Variants in IGSF3 observed in about 807,000 individuals in gnomAD.
IGSF3 encodes the protein glu-Trp-Ile EWI motif-containing protein 3.
Under a neutral mutation model 114.4 loss-of-function variants are expected in IGSF3, and 23 were observed. The ratio of observed to expected loss-of-function variants is 0.20; its 90% CI spans 0.14 to 0.28. IGSF3 has a LOEUF of 0.28. Ranked by LOEUF, IGSF3 falls within the 10% of genes least tolerant of loss-of-function variation. The pLI is 1.00. For synonymous variants in IGSF3, 571 were observed against 645.2 expected (o/e 0.88, Z 1.74); for missense variants, 1,172 against 1,591.5 (o/e 0.74, Z 4.48).
rs930142854 is a variant in IGSF3, at chr1:116,633,706, G to A, written c.44-17249C>T. Among the ~76,000 whole-genome samples, 47 of 151,988 alleles carry A rather than the reference G, an allele frequency of 3.1e-4. No homozygotes were observed. The highest frequency in any genetic ancestry group is 1.1e-3 in the African/African-American group (45 of 41,368). The stretch of plus-strand genomic sequence containing the variant: ...TGTCTACTAAACTCTCTGTGCCTTA[G>A]AACCAAAAATAAAAAATAAAAATTC... On this transcript the variant is annotated intron_variant, in intron 2 of 10. Coordinates refer to ENST00000369486, the MANE Select transcript of IGSF3 (RefSeq NM_001007237.3). This position sits in a 1 kb window ranked among gnomAD's most constrained non-coding sequence, Gnocchi z 4.3.
Position 116,657,938 on chromosome 1 carries a change from C to G in IGSF3, c.43+8346G>C, listed in dbSNP as rs1403217958. On this transcript the variant is annotated intron_variant, in intron 2 of 10. Transcript: ENST00000369486. The surrounding 1 kb of genome is among the most constrained non-coding windows in gnomAD (Gnocchi z 4.2). ...TTTTCTGTTTTAATAAAGAGAAGGC[C>G]TGGACACCTGAAAGTTGACGGGAAG... Among the ~76,000 whole-genome samples, 2 of 151,732 alleles carry G rather than the reference C, an allele frequency of 1.3e-5. No homozygotes were observed. The highest frequency in any genetic ancestry group is 2.9e-5 in the Non-Finnish European group (2 of 68,004).
chr1:116,625,012 CTCTAAA>C lies in IGSF3; in HGVS notation c.44-8561_44-8556del, dbSNP rs1661532345. On this transcript the variant is annotated intron_variant, in intron 2 of 10. Coordinates refer to ENST00000369486, the MANE Select transcript of IGSF3 (RefSeq NM_001007237.3). The surrounding 1 kb of genome is among the most constrained non-coding windows in gnomAD (Gnocchi z 4.7). Reference sequence around the variant, plus strand: ...GAACTTCCAGCCATGCCTGCTGTGCCTCTAAATTCTCGACCCACAGATTCTGTGAGC... The same window carrying C: ...GAACTTCCAGCCATGCCTGCTGTGCCTTCTCGACCCACAGATTCTGTGAGC... Among the ~76,000 whole-genome samples, 1 of 152,242 alleles carries C rather than the reference CTCTAAA, an allele frequency of 6.6e-6. No homozygotes were observed. Among genetic ancestry groups the C allele is most frequent in the Non-Finnish European group, 1.5e-5 (1 of 68,034 alleles).
chr1:116,612,328 C>T lies in IGSF3; in HGVS notation c.832+1437G>A, dbSNP rs184053177. Among the ~76,000 whole-genome samples the T allele has an allele frequency of 1.1e-3, 175 of 152,250 alleles. No individual in the cohort carries two copies. The highest frequency in any genetic ancestry group is 3.9e-3 in the African/African-American group (164 of 41,548). On this transcript the variant is annotated intron_variant, in intron 4 of 10. Transcript: ENST00000369486. This position sits in a 1 kb window ranked among gnomAD's most constrained non-coding sequence, Gnocchi z 4.1. ...AAGTGCTCCCTATCCCTACCAACCC[C>T]TACGGTAAAAGATTTCACATCCATT... is the stretch of plus-strand genomic sequence containing the variant.
At position 116,579,379 on chromosome 1, in the gene IGSF3, T is replaced by G; in HGVS notation, c.3334+13A>C. ...CAACAGTGACATCCTCCCTCTGTAC[T>G]TGGGAAACTCACTTGTATCTAGAAC... On this transcript the variant is annotated intron_variant, in intron 10 of 10. Transcript: ENST00000369486. This position sits in a 1 kb window ranked among gnomAD's most constrained non-coding sequence, Gnocchi z 6.4. 1 of 1,540,378 alleles carries G rather than the reference T, an allele frequency of 6.5e-7. No individual in the cohort carries two copies. The highest frequency in any genetic ancestry group is 8.7e-7 in the Non-Finnish European group (1 of 1,143,260).
In IGSF3 at chr1:116,582,219, C is replaced by T. The variant is rs1444745538; in HGVS notation, c.2849-2342G>A. On this transcript the variant is annotated intron_variant, in intron 9 of 10. Coordinates refer to ENST00000369486, the MANE Select transcript of IGSF3 (RefSeq NM_001007237.3). This position sits in a 1 kb window ranked among gnomAD's most constrained non-coding sequence, Gnocchi z 4.7. The stretch of plus-strand genomic sequence containing the variant: ...TACCAATTTAGTTCCCTGAATCTGC[C>T]CCCTTCTAGAATATGCCAACCCTCC... Among the ~76,000 whole-genome samples, 1 of 152,162 alleles carries T rather than the reference C, an allele frequency of 6.6e-6. No individual in the cohort carries two copies. Among genetic ancestry groups the T allele is most frequent in the Non-Finnish European group, 1.5e-5 (1 of 68,042 alleles).
In IGSF3 at chr1:116,579,556, C is replaced by T; in HGVS notation, c.3170G>A (p.Arg1057Lys). 6.2e-7 allele frequency: 1 copy of T among 1,614,194 alleles called. No individual in the cohort carries two copies. Among genetic ancestry groups the T allele is most frequent in the Non-Finnish European group, 8.5e-7 (1 of 1,180,044 alleles). The change falls in exon 10 of 11, where the codon AGG (arginine) becomes AAG (lysine). Residue 1057 changes from arginine (R) to lysine (K), a missense_variant. Around this residue, in one of 3 missense-constraint regions of IGSF3, gnomAD observed 423 missense variants for 509.8 expected, o/e 0.83. Transcript: ENST00000369486. The surrounding 1 kb of genome is among the most constrained non-coding windows in gnomAD (Gnocchi z 6.4). ...SPWEGRLRFQ[R>K]LSPVLYRLTV... ...GAGCCGGTAGAGCACCGGGGAGAGC[C>T]TCTGGAAGCGAAGCCTGCCCTCCCA...
intron 2 of IGSF3, among the ~76,000 whole-genome samples, chr1:116,640,037 CAAAA>C (rs34003833): frequency 5.1e-4 from 33 of 65,286 alleles, no homozygotes; most frequent in African/African-American, 1.4e-3. Context: ...GACTCTATCT[CAAAA>C]AAAAAAAAAA....
intron 2 of IGSF3, among the ~76,000 whole-genome samples, chr1:116,653,626 A>G (rs1648727262): frequency 6.6e-6 from 1 of 152,200 alleles, no homozygotes; most frequent in African/African-American, 2.4e-5. Flanking sequence ...GGCATTTTCC[A>G]GTACTCCTTC....
At chr1:116,608,894 T>A (rs1433099164) in intron 4 of IGSF3, among the ~76,000 whole-genome samples, 1 of 152,156 alleles carries the variant, frequency 6.6e-6, no homozygotes, top group Non-Finnish European at 1.5e-5. Flanking sequence ...AAATAAGATG[T>A]AGGTATGACA....
Position 116,577,702 on chromosome 1 carries a change from T to C in IGSF3, c.3335-140A>G. On this transcript the variant is annotated intron_variant, in intron 10 of 10. Transcript: ENST00000369486. The surrounding 1 kb of genome is among the most constrained non-coding windows in gnomAD (Gnocchi z 5.7). The stretch of plus-strand genomic sequence containing the variant: ...CCACCTTGTCTTTCCCCTGCTACCA[T>C]TAATGGTGGAAGATGACCCTTATAT... 1 of 716,174 alleles carries C rather than the reference T, an allele frequency of 1.4e-6. No individual in the cohort carries two copies. Among genetic ancestry groups the C allele is most frequent in the Non-Finnish European group, 2.3e-6 (1 of 427,954 alleles). The allele number at this position is 716,174 out of a possible 1,614,324, so 44.4% of individuals were successfully genotyped here.
chr1:116,593,431 T>C lies in IGSF3; in HGVS notation c.2030-4327A>G, dbSNP rs1164819749. Among the ~76,000 whole-genome samples, 2 of 152,138 alleles carry C rather than the reference T, an allele frequency of 1.3e-5. No homozygotes were observed. The highest frequency in any genetic ancestry group is 2.9e-5 in the Non-Finnish European group (2 of 68,024). On this transcript the variant is annotated intron_variant, in intron 7 of 10. Transcript: ENST00000369486. This position sits in a 1 kb window ranked among gnomAD's most constrained non-coding sequence, Gnocchi z 4.5. ...CTTTATTAAAGACAACAGACAGTAA[T>C]GCTAGAGATAGAGGCGGCCAGTGGC...
rs1661127567 is a variant in IGSF3 at position 116,614,085 on chromosome 1, G to A, written c.512C>T (p.Ser171Leu). The part of the protein sequence containing the change: ...DPLELTCEVA[S>L]ETIQHSHLSV... ...CAGGTGGCTGTGCTGAATGGTCTCT[G>A]AGGCCACCTCACAAGTGAGCTCCAG... The change falls in exon 4 of 11, where the codon TCA (serine) becomes TTA (leucine). Residue 171 changes from serine to leucine, a missense_variant. By Grantham distance (145) the Ser-to-Leu change is moderately radical. Coordinates refer to ENST00000369486, the MANE Select transcript of IGSF3 (RefSeq NM_001007237.3). This position sits in a 1 kb window ranked among gnomAD's most constrained non-coding sequence, Gnocchi z 4.5. 1 of 1,614,028 alleles carries A rather than the reference G, an allele frequency of 6.2e-7. No homozygotes were observed. Among genetic ancestry groups the A allele is most frequent in the African/African-American group, 1.3e-5 (1 of 74,952 alleles).
Position 116,664,335 on chromosome 1 carries a change from G to A in IGSF3, c.43+1949C>T, listed in dbSNP as rs554023493. Among the ~76,000 whole-genome samples, 11 of 152,322 alleles carry A rather than the reference G, an allele frequency of 7.2e-5. No homozygotes were observed. In the South Asian group the frequency reaches 1.7e-3, roughly 23 times the overall value. ...CAGCACCTGCCAGGTGCCAGGGCCC[G>A]AGCTCCACTCCACAGAGTGGCCCAG... On this transcript the variant is annotated intron_variant, in intron 2 of 10. Transcript: ENST00000369486. The surrounding 1 kb of genome is among the most constrained non-coding windows in gnomAD (Gnocchi z 4.6).
At chr1:116,619,519 C>T (rs990987817) in intron 2 of IGSF3, among the ~76,000 whole-genome samples, 2 of 152,220 alleles carry the variant, frequency 1.3e-5, no homozygotes, top group African/African-American at 2.4e-5. Flanking sequence ...TCCCTCTGCC[C>T]CACAAAGGGC....
At position 116,661,989 on chromosome 1, in the gene IGSF3, C is replaced by T. The variant is rs1649137245; in HGVS notation, c.43+4295G>A. The stretch of plus-strand genomic sequence containing the variant: ...GAGTCATCTTGGACCATGAAGTCAT[C>T]TTGGGAATAGAGAGCATGCACATGG... On this transcript the variant is annotated intron_variant, in intron 2 of 10. Coordinates refer to ENST00000369486, the MANE Select transcript of IGSF3 (RefSeq NM_001007237.3). This position sits in a 1 kb window ranked among gnomAD's most constrained non-coding sequence, Gnocchi z 4.0. Among the ~76,000 whole-genome samples, 1 of 152,064 alleles carries T rather than the reference C, an allele frequency of 6.6e-6. No individual in the cohort carries two copies. The highest frequency in any genetic ancestry group is 2.1e-4 in the South Asian group (1 of 4,830).
chr1:116,606,101 TA>T (rs1175937809), intron 5 of IGSF3, among the ~76,000 whole-genome samples: 2 of 152,266 alleles, frequency 1.3e-5, no homozygotes, highest in East Asian at 3.8e-4. Flanking sequence ...CCGACAATTT[TA>T]AACTCTCTGG....
chr1:116,651,476 A>G lies in IGSF3; in HGVS notation c.43+14808T>C, dbSNP rs1648634071. On this transcript the variant is annotated intron_variant, in intron 2 of 10. Coordinates refer to ENST00000369486, the MANE Select transcript of IGSF3 (RefSeq NM_001007237.3). This position sits in a 1 kb window ranked among gnomAD's most constrained non-coding sequence, Gnocchi z 4.4. The stretch of plus-strand genomic sequence containing the variant: ...AGTCCCACAGTCTATATCACAGATC[A>G]CCAGTTTTAGCTGTTTGAAGTTTTA... 6.6e-6 allele frequency among the ~76,000 whole-genome samples: 1 copy of G among 152,212 alleles called. No homozygotes were observed. The highest frequency in any genetic ancestry group is 1.5e-5 in the Non-Finnish European group (1 of 68,038).
Position 116,624,045 on chromosome 1 carries a change from T to TCTCGGCTGGGCAACAGAG in IGSF3, c.44-7589_44-7588insCTCTGTTGCCCAGCCGAG, listed in dbSNP as rs1553216854. Among the ~76,000 whole-genome samples the TCTCGGCTGGGCAACAGAG allele has an allele frequency of 0.051, 7,730 of 150,572 alleles. 388 individuals are homozygous for TCTCGGCTGGGCAACAGAG. Among genetic ancestry groups the TCTCGGCTGGGCAACAGAG allele is most frequent in the African/African-American group, 0.13 (5,400 of 40,600 alleles). ...GAGGTTGCAGTGAGCCGAGATCATG[T>TCTCGGCTGGGCAACAGAG]CATTGCACTGTGGGCTGGGCAACAG... On this transcript the variant is annotated intron_variant, in intron 2 of 10. Transcript: ENST00000369486. This position sits in a 1 kb window ranked among gnomAD's most constrained non-coding sequence, Gnocchi z 4.9.
At chr1:116,623,981 G>A (rs12092843) in intron 2 of IGSF3, among the ~76,000 whole-genome samples, 3,645 of 151,104 alleles carry the variant, frequency 0.024, 139 homozygotes, top group African/African-American at 0.084. Flanking sequence ...CAGCTACTCC[G>A]GAGGCTGAGG....
Sources: allele counts gnomAD v4.1 joint callset (sites outside exome capture counted in the v4.1 genomes callset), GRCh38; gene constraint gnomAD v4.1.1; regional missense constraint gnomAD v4.1.1; non-coding constraint Gnocchi (gnomAD v3.1); transcripts MANE v1.5; gene names NCBI Gene and HGNC (gene_info 2026-07-23, HGNC 2026-07-21).